The following ELF4 variants were observed in gnomAD, a reference collection of about 807,000 sequenced individuals.
The protein encoded by ELF4 is ETS-related transcription factor Elf-4.
ELF4 carries 10 observed loss-of-function variants against 31.7 expected under a neutral mutation model. The observed-to-expected ratio is 0.32, with a 90% CI of 0.19 to 0.54. The LOEUF is 0.54. ELF4 is among the 20% of genes least tolerant of loss of function. ELF4 has a pLI of 0.95. For synonymous variants in ELF4, 208 were observed against 226.7 expected (o/e 0.92, Z 0.74); for missense variants, 418 against 522.0 (o/e 0.80, Z 1.94).
At chrX:130,091,891 G>A (rs1603207661) in intron 1 of ELF4, among the ~76,000 whole-genome samples, 1 of 111,615 alleles carries the variant, frequency 9.0e-6, no homozygotes, top group East Asian at 2.8e-4. Flanking sequence ...TTCTTAGCAG[G>A]CATGGTCCTG....
intron 7 of ELF4, 60 bp downstream of exon 7, chrX:130,070,980 C>G: frequency 1.7e-6 from 2 of 1,197,056 alleles, no homozygotes; most frequent in Non-Finnish European, 2.3e-6. Flanking sequence ...ACTCCTTGGA[C>G]TTAAGGAAGG....
intron 1 of ELF4, among the ~76,000 whole-genome samples, chrX:130,102,193 G>A (rs992761007): frequency 5.3e-5 from 6 of 112,772 alleles, no homozygotes; most frequent in African/African-American, 9.7e-5. Context: ...AAAAATTAAC[G>A]CAAGTGGGAT....
In ELF4 at chrX:130,065,035, C is replaced by T. The variant is rs1020489300; in HGVS notation, c.*1686G>A. 1.7e-5 allele frequency: 3 copies of T among 171,646 alleles called. No individual in the cohort carries two copies. Among genetic ancestry groups the T allele is most frequent in the Non-Finnish European group, 3.3e-5 (3 of 89,763 alleles). The allele number at this position is 171,646 out of a possible 1,213,427, so 14.1% of individuals were successfully genotyped here. On this transcript the variant is annotated 3_prime_UTR_variant, in exon 9 of 9. Transcript: ENST00000308167. The stretch of plus-strand genomic sequence containing the variant: ...ACCAAACACAGTGCCCTCCAGGGGG[C>T]AGGGAGAAGAAGAGTAGGAGAGGGT...
intron 8 of ELF4, among the ~76,000 whole-genome samples, chrX:130,068,077 G>A (rs1393154206): frequency 8.9e-6 from 1 of 112,077 alleles, no homozygotes; most frequent in East Asian, 2.8e-4. Flanking sequence ...CTCCCAAAGT[G>A]CTGGGATTAC....
At chrX:130,082,825 G>C (rs1199529850) in intron 1 of ELF4, among the ~76,000 whole-genome samples, 1 of 111,712 alleles carries the variant, frequency 9.0e-6, no homozygotes, top group Non-Finnish European at 1.9e-5. Flanking sequence ...TTCTGAGTGT[G>C]TGGATGTGCG....
chrX:130,084,025 T>C (rs1272165292), intron 1 of ELF4, among the ~76,000 whole-genome samples: 1 of 112,279 alleles, frequency 8.9e-6, no homozygotes, highest in Non-Finnish European at 1.9e-5. Flanking sequence ...TCTGTATGTT[T>C]TTGCATTGTC....
At position 130,067,028 on chromosome X, in the gene ELF4, G is replaced by A. The variant is rs778657942; in HGVS notation, c.1685C>T (p.Pro562Leu). ...TGAPMEGLLV[P>L]EETLRELLRD... ...CAGGAGCTCCCTCAGGGTCTCTTCA[G>A]GAACCAGCAGCCCCTCCATGGGGGC... Residue 562 changes from proline (P) to leucine (L), a missense_variant, in exon 9 of 9, where the codon CCT (proline) becomes CTT (leucine). Around this residue, in one of 4 missense-constraint regions of ELF4, gnomAD observed 260 missense variants for 269.2 expected, o/e 0.97. Coordinates refer to ENST00000308167, the MANE Select transcript of ELF4 (RefSeq NM_001421.4). The A allele has an allele frequency of 1.6e-6, 2 of 1,212,323 alleles. No individual in the cohort carries two copies. The highest frequency in any genetic ancestry group is 1.8e-5 in the South Asian group (1 of 57,048).
At chrX:130,082,638 C>T (rs1309097009) in intron 1 of ELF4, among the ~76,000 whole-genome samples, 1 of 111,791 alleles carries the variant, frequency 8.9e-6, no homozygotes, top group Non-Finnish European at 1.9e-5. Context: ...GTCGCCACTC[C>T]TCAGGGCTGT....
In ELF4 at chrX:130,087,566, C is replaced by T. The variant is rs767992253; in HGVS notation, c.-209-6027G>A. On this transcript the variant is annotated intron_variant, in intron 1 of 8. Transcript: ENST00000308167. ...CGCGATCTCGGCTCACTGCAACCTC[C>T]GCCTCCAGGGTGTGCCTCAGCCTCC... Among the ~76,000 whole-genome samples, 9 of 112,495 alleles carry T rather than the reference C, an allele frequency of 8.0e-5. No individual in the cohort carries two copies. In the East Asian group the frequency reaches 1.9e-3, roughly 24 times the overall value.
intron 2 of ELF4, among the ~76,000 whole-genome samples, chrX:130,078,758 TCTCTACACACAC>T (rs1932857653): frequency 3.6e-5 from 3 of 84,507 alleles, no homozygotes; most frequent in African/African-American, 1.4e-4. Context: ...ACTCTCTCTC[TCTCTACACACAC>T]ACACACACAC....
In ELF4 at chrX:130,066,340, T is replaced by C. The variant is rs370026749; in HGVS notation, c.*381A>G. ...ACAAGTACATACAGGGATATTCACA[T>C]ATAGGGTAGTAAATTCCCTGTGTAG... On this transcript the variant is annotated 3_prime_UTR_variant, in exon 9 of 9. Transcript: ENST00000308167. The C allele has an allele frequency of 1.9e-5, 5 of 261,481 alleles. No individual in the cohort carries two copies. In the East Asian group the frequency reaches 2.5e-4, roughly 13 times the overall value. The allele number at this position is 261,481 out of a possible 1,213,427, so 21.5% of individuals were successfully genotyped here. A position where few individuals can be genotyped will look rare whatever the true frequency, so the allele number is the denominator to read the frequency against.
intron 1 of ELF4, among the ~76,000 whole-genome samples, chrX:130,098,082 A>ACAGGCTC (rs1359101496): frequency 9.0e-6 from 1 of 111,670 alleles, no homozygotes; most frequent in African/African-American, 3.3e-5. Flanking sequence ...TTTCGTCACT[A>ACAGGCTC]CAGGCTCCCG....
intron 2 of ELF4, among the ~76,000 whole-genome samples, chrX:130,079,679 C>T (rs1364337279): frequency 9.1e-6 from 1 of 110,231 alleles, no homozygotes; most frequent in Non-Finnish European, 1.9e-5. Flanking sequence ...GCGTCCTGGG[C>T]TTTGAGCTTC....
At chrX:130,077,208 C>T (rs1313613927) in intron 2 of ELF4, among the ~76,000 whole-genome samples, 1 of 111,980 alleles carries the variant, frequency 8.9e-6, no homozygotes, top group African/African-American at 3.2e-5. Context: ...ATTGCACTAG[C>T]CACATTTCAA....
rs1162813847 is a variant in ELF4 at position 130,098,163 on chromosome X, C to T, written c.-210+12162G>A. ...GAAGGATTGCTGCCTGGCACAGGCC[C>T]GCAGTGCCTGGGGCCCTGCCTGCCA... On this transcript the variant is annotated intron_variant, in intron 1 of 8. Coordinates refer to ENST00000308167, the MANE Select transcript of ELF4 (RefSeq NM_001421.4). 2.7e-5 allele frequency among the ~76,000 whole-genome samples: 3 copies of T among 112,083 alleles called. No homozygotes were observed. The East Asian group carries it at 8.5e-4, about 32-fold the overall frequency.
chrX:130,108,806 A>G (rs1329615541), intron 1 of ELF4, among the ~76,000 whole-genome samples: 2 of 109,719 alleles, frequency 1.8e-5, no homozygotes, highest in African/African-American at 3.3e-5. Flanking sequence ...AGCCTGCTTC[A>G]TGGTCCCCCC....
At chrX:130,102,263 C>T in intron 1 of ELF4, among the ~76,000 whole-genome samples, 1 of 112,789 alleles carries the variant, frequency 8.9e-6, no homozygotes, top group Non-Finnish European at 1.9e-5. Flanking sequence ...CACATGAAAT[C>T]GCAAAGGACT....
chrX:130,099,288 G>A lies in ELF4; in HGVS notation c.-210+11037C>T, dbSNP rs79998895. ...TTTCTTCCCTCTATCGAAATGTTCA[G>A]GCCAGCCAGGCGCAGGGGCTCACGC... On this transcript the variant is annotated intron_variant, in intron 1 of 8. Coordinates refer to ENST00000308167, the MANE Select transcript of ELF4 (RefSeq NM_001421.4). Among the ~76,000 whole-genome samples the A allele has an allele frequency of 3.2e-3, 362 of 112,129 alleles. 17 individuals are homozygous for A. In the East Asian group the frequency reaches 0.095, roughly 30 times the overall value.
intron 1 of ELF4, among the ~76,000 whole-genome samples, chrX:130,106,823 C>T (rs1197602629): frequency 1.8e-5 from 2 of 111,525 alleles, no homozygotes; most frequent in Admixed American, 9.5e-5. Flanking sequence ...TTTCCCAGCT[C>T]GGTGGGAGAT....
Sources: gnomAD v4.1 joint callset for allele counts (sites outside exome capture counted in the v4.1 genomes callset) on GRCh38, gnomAD v4.1.1 for gene constraint, gnomAD v4.1.1 regional missense constraint, MANE v1.5 for transcripts, NCBI Gene and HGNC (gene_info 2026-07-23, HGNC 2026-07-21) for gene names.